NEDD9: variants seen among roughly 807,000 people sequenced by gnomAD.
NEDD9 encodes the protein enhancer of filamentation 1.
In NEDD9, 26 loss-of-function variants were observed where a neutral mutation model predicts 76.6. That is an observed-to-expected ratio of 0.34 (90% CI 0.25 to 0.47). NEDD9 has a LOEUF of 0.47. Ranked by LOEUF, NEDD9 falls within the 20% of genes least tolerant of loss-of-function variation. NEDD9 has a pLI of 1.00. For synonymous variants in NEDD9, 392 were observed against 414.2 expected (o/e 0.95, Z 0.65); for missense variants, 937 against 1,058.5 (o/e 0.89, Z 1.59).
chr6:11,284,184 A>G (rs1285601342), intron 3 of NEDD9, among the ~76,000 whole-genome samples: 2 of 152,096 alleles, frequency 1.3e-5, no homozygotes, highest in Non-Finnish European at 2.9e-5. Context: ...CTGCATAGAG[A>G]TGTCTGACAT....
rs1561800203 is a variant in NEDD9 at position 11,232,554 on chromosome 6, T to TA, written c.-40dup. 6.2e-7 allele frequency: 1 copy of TA among 1,614,120 alleles called. No homozygotes were observed. Among genetic ancestry groups the TA allele is most frequent in the African/African-American group, 1.3e-5 (1 of 75,062 alleles). ...GGTTGAGCCGTTTTCCTACACTAGT[T>TA]AAGACAGCATTAAGCACTGCGGTGC... is the stretch of plus-strand genomic sequence containing the variant. On this transcript the variant is annotated 5_prime_UTR_variant, in exon 1 of 7. It removes the in-frame stop codon of an upstream open reading frame in the 5' UTR. Coordinates refer to ENST00000379446, the MANE Select transcript of NEDD9 (RefSeq NM_006403.4).
At chr6:11,278,556 A>G (rs1230908188) in intron 3 of NEDD9, among the ~76,000 whole-genome samples, 1 of 152,222 alleles carries the variant, frequency 6.6e-6, no homozygotes, top group Non-Finnish European at 1.5e-5. Context: ...AGATTCGAAG[A>G]GCTCAAAATA....
intron 1 of NEDD9, among the ~76,000 whole-genome samples, chr6:11,380,317 G>A (rs1003066622): frequency 1.3e-5 from 2 of 152,230 alleles, no homozygotes; most frequent in African/African-American, 4.8e-5. Context: ...ATCCCAGGAA[G>A]CATTGATGGG....
At chr6:11,250,633 G>A (rs938493148) in intron 3 of NEDD9, among the ~76,000 whole-genome samples, 7 of 152,160 alleles carry the variant, frequency 4.6e-5, no homozygotes, top group African/African-American at 1.7e-4. Flanking sequence ...CAGGTCCCCA[G>A]GAGACACCTG....
At chr6:11,274,001 G>A (rs567377896) in intron 3 of NEDD9, among the ~76,000 whole-genome samples, 1 of 152,240 alleles carries the variant, frequency 6.6e-6, no homozygotes, top group Admixed American at 6.5e-5. Context: ...TTCAGCCAAA[G>A]GCTGCAATGA....
intron 6 of NEDD9, among the ~76,000 whole-genome samples, chr6:11,187,547 AAGAGAG>A (rs151140554): frequency 6.6e-6 from 1 of 150,572 alleles, no homozygotes. Flanking sequence ...TAGAGACAGA[AAGAGAG>A]AGAGAGAGAG....
intron 1 of NEDD9, among the ~76,000 whole-genome samples, chr6:11,349,890 C>T (rs951934688): frequency 6.6e-6 from 1 of 152,152 alleles, no homozygotes. Flanking sequence ...ACCTATGTAA[C>T]AAACCTGTAT....
intron 3 of NEDD9, chr6:11,271,561 C>T (rs1760308863): frequency 2.6e-5 from 4 of 152,216 alleles, no homozygotes; most frequent in Admixed American, 2.6e-4. Flanking sequence ...TACAAGGGCC[C>T]AGTGTGGGGA....
At chr6:11,195,451 T>C (rs907510741) in intron 2 of NEDD9, among the ~76,000 whole-genome samples, 3 of 130,522 alleles carry the variant, frequency 2.3e-5, no homozygotes, top group East Asian at 2.3e-4. Flanking sequence ...AATGCCCTTA[T>C]ATGATTGTTT....
rs183361152 is a variant in NEDD9 at position 11,332,497 on chromosome 6, A to G, written c.-153+2004T>C. ...CTACGTCCGCTTCTCCAAATGCTCC[A>G]AGTTCTCTTGTAACACCACAGCCTT... On this transcript the variant is annotated intron_variant, in intron 2 of 3. Transcript: ENST00000397378. 2.0e-3 allele frequency among the ~76,000 whole-genome samples: 298 copies of G among 152,322 alleles called. 9 individuals are homozygous for G. The highest frequency in any genetic ancestry group is 0.016 in the Admixed American group (244 of 15,300).
At chr6:11,193,780 T>C in intron 2 of NEDD9, 88 bp from the exon 3 acceptor site, 3 of 755,992 alleles carry the variant, frequency 4.0e-6, no homozygotes, top group Non-Finnish European at 6.6e-6. Context: ...ATCCCTCAAC[T>C]CTCCCTCATA....
chr6:11,201,121 C>G, intron 2 of NEDD9: 1 of 1,565,308 alleles, frequency 6.4e-7, no homozygotes, highest in South Asian at 1.1e-5. Flanking sequence ...CAGCAAGTCT[C>G]CTTGGGGGCA....
At chr6:11,290,328 C>A (rs1760738348) in intron 3 of NEDD9, among the ~76,000 whole-genome samples, 1 of 152,198 alleles carries the variant, frequency 6.6e-6, no homozygotes, top group African/African-American at 2.4e-5. Context: ...CTGTCTCCAC[C>A]TTTTAAGCTC....
intron 2 of NEDD9, chr6:11,200,842 C>A: frequency 6.5e-7 from 1 of 1,536,524 alleles, no homozygotes; most frequent in South Asian, 1.3e-5. Context: ...TCAAGACACG[C>A]CAATGGGAAA....
intron 1 of NEDD9, among the ~76,000 whole-genome samples, chr6:11,361,040 T>TTGCCATTTACTTTTGG (rs1364476290): frequency 1.3e-5 from 2 of 152,234 alleles, no homozygotes; most frequent in Non-Finnish European, 2.9e-5. Flanking sequence ...ATTTTTCTTA[T>TTGCCATTTACTTTTGG]TGCCATTTAC....
At chr6:11,224,168 G>C (rs1213092506) in intron 1 of NEDD9, among the ~76,000 whole-genome samples, 1 of 152,158 alleles carries the variant, frequency 6.6e-6, no homozygotes, top group African/African-American at 2.4e-5. Context: ...GCTGAATTTC[G>C]GATTTGGGAG....
intron 2 of NEDD9, among the ~76,000 whole-genome samples, chr6:11,212,757 T>A (rs1383311924): frequency 6.6e-6 from 1 of 152,236 alleles, no homozygotes; most frequent in Non-Finnish European, 1.5e-5. Flanking sequence ...ACTAAGCTGA[T>A]AACTCTATAG....
At chr6:11,194,208 C>T (rs1174015737) in intron 2 of NEDD9, among the ~76,000 whole-genome samples, 2 of 152,100 alleles carry the variant, frequency 1.3e-5, no homozygotes, top group African/African-American at 2.4e-5. Flanking sequence ...AAAAAAATCC[C>T]TAAAATATCT....
At chr6:11,331,271 T>C (rs1287265159) in intron 2 of NEDD9, among the ~76,000 whole-genome samples, 1 of 150,208 alleles carries the variant, frequency 6.7e-6, no homozygotes, top group Non-Finnish European at 1.5e-5. Flanking sequence ...AAAATTGTTC[T>C]GTCCAGAGAG....
Sources: allele counts gnomAD v4.1 joint callset (sites outside exome capture counted in the v4.1 genomes callset), GRCh38; gene constraint gnomAD v4.1.1; transcripts MANE v1.5; gene names NCBI Gene and HGNC (gene_info 2026-07-23, HGNC 2026-07-21).